The following CNTD1 variants were observed in gnomAD, a reference collection of about 807,000 sequenced individuals.
CNTD1 encodes the protein cyclin N-terminal domain-containing protein 1.
Under a neutral mutation model 36.3 loss-of-function variants are expected in CNTD1, and 17 were observed. That is an observed-to-expected ratio of 0.47 (90% confidence interval 0.32 to 0.70). The LOEUF (loss-of-function observed/expected upper bound fraction) is 0.70, where lower values mean the gene tolerates loss of function less well. Ranked by LOEUF, CNTD1 falls within the 30% of genes least tolerant of loss-of-function variation. The pLI is 0.03. For missense variants in CNTD1, 338 were observed against 386.1 expected (o/e 0.88, Z 1.04); for synonymous variants, 128 against 153.3 (o/e 0.83, Z 1.22).
chr17:42,809,609 T>TA lies in CNTD1; in HGVS notation c.*76dup. ...TGCCTCCCTCTGTTTACTTTCATAC[T>TA]AAGGGTACAAAAATTCCAAGTCTCT... On this transcript the variant is annotated 3_prime_UTR_variant, in exon 7 of 7. Coordinates refer to ENST00000588408, the MANE Select transcript of CNTD1 (RefSeq NM_173478.3). 7.4e-7 allele frequency: 1 copy of TA among 1,354,372 alleles called. No individual in the cohort carries two copies. The highest frequency in any genetic ancestry group is 1.0e-6 in the Non-Finnish European group (1 of 973,672). The allele number at this position is 1,354,372 out of a possible 1,614,324, so 83.9% of individuals were successfully genotyped here. A position where few individuals can be genotyped will look rare whatever the true frequency, so the allele number is the denominator to read the frequency against.
chr17:42,800,169 T>C (rs1168709631), intron 1 of CNTD1, among the ~76,000 whole-genome samples: 1 of 151,432 alleles, frequency 6.6e-6, no homozygotes, highest in Non-Finnish European at 1.5e-5. Flanking sequence ...AGAACAAATA[T>C]GCAATGACTA....
chr17:42,811,533 T>A lies in CNTD1; in HGVS notation c.*1998T>A. ...TCAGTCTCTGCCCATCAATGTCATG[T>A]GATTCTGTGCCATTTTTTTGCTTTC... is the stretch of plus-strand genomic sequence containing the variant. On this transcript the variant is annotated 3_prime_UTR_variant, in exon 7 of 7. Transcript: ENST00000588408. 1.5e-6 allele frequency: 2 copies of A among 1,312,130 alleles called. No homozygotes were observed. The highest frequency in any genetic ancestry group is 2.1e-6 in the Non-Finnish European group (2 of 949,468). 81.3% of individuals were successfully genotyped at this position (1,312,130 alleles called of 1,614,324 possible). A position where few individuals can be genotyped will look rare whatever the true frequency, so the allele number is the denominator to read the frequency against.
Position 42,810,152 on chromosome 17 carries a change from A to T in CNTD1, c.*617A>T, listed in dbSNP as rs1283424978. On this transcript the variant is annotated 3_prime_UTR_variant, in exon 7 of 7. Transcript: ENST00000588408. Reference sequence around the variant, plus strand: ...CCCTGGGCAGTTTTCAGACTGCAGCAAATCTTTTATTACAAATAATTAAAT... The same window carrying T: ...CCCTGGGCAGTTTTCAGACTGCAGCTAATCTTTTATTACAAATAATTAAAT... 1.3e-5 allele frequency: 2 copies of T among 152,528 alleles called. No homozygotes were observed. The highest frequency in any genetic ancestry group is 2.9e-5 in the Non-Finnish European group (2 of 68,148). 9.4% of individuals were successfully genotyped at this position (152,528 alleles called of 1,614,324 possible). A position where few individuals can be genotyped will look rare whatever the true frequency, so the allele number is the denominator to read the frequency against.
chr17:42,805,745 G>C lies in CNTD1; in HGVS notation c.441G>C (p.Leu147Phe). The change falls in exon 4 of 7, where the codon TTG (leucine) becomes TTC (phenylalanine). Residue 147 changes from leucine to phenylalanine, a missense_variant. Coordinates refer to ENST00000588408, the MANE Select transcript of CNTD1 (RefSeq NM_173478.3). ...AGATAATCAGCAACATTACAGTCTT[G>C]AATTTCCTCCAGGCTCTAGGCTATC... ...RNKIISNITV[L>F]NFLQALGYLH... 6.2e-7 allele frequency: 1 copy of C among 1,611,914 alleles called. No individual in the cohort carries two copies. The highest frequency in any genetic ancestry group is 8.5e-7 in the Non-Finnish European group (1 of 1,179,254).
chr17:42,806,605 C>A, intron 4 of CNTD1, 69 bp from the exon 5 acceptor site: 2 of 1,511,926 alleles, frequency 1.3e-6, no homozygotes, highest in Non-Finnish European at 9.1e-7. Flanking sequence ...AGCTTTATGT[C>A]ACAACTGTGG....
chr17:42,799,416 C>T (rs9913866), intron 1 of CNTD1, among the ~76,000 whole-genome samples, 180 bp downstream of exon 1: 3,430 of 152,094 alleles, frequency 0.023, 129 homozygotes, highest in African/African-American at 0.078. Flanking sequence ...TTGATTTCTT[C>T]GACATGTATG....
intron 5 of CNTD1, among the ~76,000 whole-genome samples, chr17:42,807,214 G>C (rs1248696883): frequency 2.6e-5 from 4 of 152,056 alleles, no homozygotes; most frequent in African/African-American, 9.7e-5. Flanking sequence ...AGGAGATCGA[G>C]ACCATCCTGG....
Position 42,810,704 on chromosome 17 carries a change from T to A in CNTD1, c.*1169T>A. The A allele has an allele frequency of 5.3e-6, 8 of 1,507,340 alleles. No individual in the cohort carries two copies. In the South Asian group the frequency reaches 1.0e-4, roughly 20 times the overall value. The allele number at this position is 1,507,340 out of a possible 1,614,324, so 93.4% of individuals were successfully genotyped here. A position where few individuals can be genotyped will look rare whatever the true frequency, so the allele number is the denominator to read the frequency against. ...ACCCGAATTTAATTTAAAACATGTT[T>A]GCAAACAAAACAAAATTAAAAGCCT... On this transcript the variant is annotated 3_prime_UTR_variant, in exon 7 of 7. Transcript: ENST00000588408.
At chr17:42,801,541 AT>A (rs1322094935) in intron 1 of CNTD1, among the ~76,000 whole-genome samples, 2,820 of 68,026 alleles carry the variant, frequency 0.041, 69 homozygotes, top group East Asian at 0.084. Flanking sequence ...ATATATATAT[AT>A]ATATAATATA....
intron 6 of CNTD1, among the ~76,000 whole-genome samples, chr17:42,808,619 T>C (rs2144131676): frequency 6.7e-6 from 1 of 149,586 alleles, no homozygotes; most frequent in Admixed American, 6.7e-5. Context: ...CCCACAACTA[T>C]GTGGACTACT....
At chr17:42,803,997 CGCACTTG>C (rs1567661442) in intron 2 of CNTD1, among the ~76,000 whole-genome samples, 1 of 151,472 alleles carries the variant, frequency 6.6e-6, no homozygotes, top group African/African-American at 2.4e-5. Context: ...CTCCACACTT[CGCACTTG>C]GCTATTTTTT....
At chr17:42,807,576 A>G (rs75890130) in intron 5 of CNTD1, among the ~76,000 whole-genome samples, 192 bp from the exon 6 acceptor site, 1,765 of 152,342 alleles carry the variant, frequency 0.012, 31 homozygotes, top group African/African-American at 0.04. Flanking sequence ...CATAAGGCTC[A>G]TGTTAATCCC....
Position 42,801,509 on chromosome 17 carries a change from AAATATATATAT to A in CNTD1, c.170-2109_170-2099del, listed in dbSNP as rs1234136395. On this transcript the variant is annotated intron_variant, in intron 1 of 6. Transcript: ENST00000588408. The stretch of plus-strand genomic sequence containing the variant: ...AGACCTTGTCTCAAAAAAAAAAAAA[AAATATATATAT>A]ATATATATATATATATATATATATA... Among the ~76,000 whole-genome samples the A allele has an allele frequency of 2.6e-4, 13 of 50,268 alleles. 2 individuals are homozygous for A. The highest frequency in any genetic ancestry group is 1.6e-3 in the African/African-American group (10 of 6,130). The allele number at this position is 50,268 out of a possible 152,430, so 33.0% of individuals were successfully genotyped here.
intron 6 of CNTD1, 99 bp downstream of exon 6, chr17:42,807,963 G>A (rs2054908267): frequency 2.2e-6 from 2 of 891,222 alleles, no homozygotes; most frequent in South Asian, 1.5e-5. Context: ...CTACAGAAGT[G>A]CCAAGACCCA....
At chr17:42,805,672 G>A (rs778799013) in intron 3 of CNTD1, 50 bp from the exon 4 acceptor site, 22 of 1,526,348 alleles carry the variant, frequency 1.4e-5, no homozygotes, top group Middle Eastern at 3.6e-4. Context: ...CTGTCAAGAC[G>A]TATGAACTTT....
chr17:42,800,909 G>A (rs574529980), intron 1 of CNTD1, among the ~76,000 whole-genome samples: 12 of 152,270 alleles, frequency 7.9e-5, no homozygotes, highest in African/African-American at 2.4e-4. Flanking sequence ...AGACACGGCC[G>A]GGCACGGTGG....
chr17:42,804,495 G>C, intron 3 of CNTD1, 99 bp downstream of exon 3: 6 of 983,972 alleles, frequency 6.1e-6, no homozygotes, highest in Non-Finnish European at 4.4e-6. Context: ...GTGACAAGAA[G>C]AAAATAAATA....
rs1597912625 is a variant in CNTD1, at chr17:42,801,535, ATATATATATATAATATATG to A, written c.170-2083_170-2065del. ...AATATATATATATATATATATATAT[ATATATATATATAATATATG>A]TGTGTGTGTGTGTGTGTGTGTGTGT... On this transcript the variant is annotated intron_variant, in intron 1 of 6. Coordinates refer to ENST00000588408, the MANE Select transcript of CNTD1 (RefSeq NM_173478.3). Among the ~76,000 whole-genome samples the A allele has an allele frequency of 8.7e-5, 7 of 80,212 alleles. No individual in the cohort carries two copies. In the South Asian group the frequency reaches 3.3e-3, roughly 37 times the overall value. The allele number at this position is 80,212 out of a possible 152,430, so 52.6% of individuals were successfully genotyped here.
At chr17:42,801,321 C>T (rs1243147447) in intron 1 of CNTD1, among the ~76,000 whole-genome samples, 1 of 148,014 alleles carries the variant, frequency 6.8e-6, no homozygotes, top group Non-Finnish European at 1.5e-5. Context: ...CATGGTGAAA[C>T]CCCATCTCTA....
Sources: gnomAD v4.1 joint callset for allele counts (sites outside exome capture counted in the v4.1 genomes callset) on GRCh38, gnomAD v4.1.1 for gene constraint, MANE v1.5 for transcripts, NCBI Gene and HGNC (gene_info 2026-07-23, HGNC 2026-07-21) for gene names.